The following STXBP4 variants were observed in gnomAD, a reference collection of about 807,000 sequenced individuals.
STXBP4 encodes syntaxin binding protein 4, also known as syntaxin-binding protein 4.
A neutral mutation model predicts 76.1 loss-of-function variants in STXBP4; 55 were observed. The ratio of observed to expected loss-of-function variants is 0.72; its 90% CI spans 0.58 to 0.91. STXBP4 has a LOEUF of 0.91. Among genes scored for constraint, STXBP4 ranks in the 40% least tolerant of loss-of-function variants. STXBP4 has a pLI of 0.00. For synonymous variants in STXBP4, 201 were observed against 220.2 expected, an observed-to-expected ratio of 0.91 and a Z score of 0.77; for missense variants, 618 against 636.9, an observed-to-expected ratio of 0.97 and a Z score of 0.32.
intron 8 of STXBP4, among the ~76,000 whole-genome samples, chr17:55,023,633 A>G (rs777492597): frequency 6.6e-6 from 1 of 152,162 alleles, no homozygotes; most frequent in Non-Finnish European, 1.5e-5. Context: ...ACCTGTATAT[A>G]GAAACAATGA....
chr17:55,034,335 C>T (rs2078561762), intron 10 of STXBP4, 76 bp downstream of exon 10: 5 of 863,170 alleles, frequency 5.8e-6, no homozygotes, highest in Non-Finnish European at 6.8e-6. Context: ...TATGTGTAGG[C>T]TTTTTTCACT....
At chr17:55,195,323 A>G in the STXBP4 span, among the ~76,000 whole-genome samples, 116 of 152,302 alleles carry the variant, frequency 7.6e-4, no homozygotes, top group East Asian at 1.3e-3. Context: ...CTCTACCTCC[A>G]TGAAGATGTC....
rs377095469 is a variant in STXBP4, at chr17:55,003,006, A to C, written c.574+2123A>C. ...AATTTTATGTCCTCCCCTTGACCCCAAAAACTAGTATATAATAAGGAATCT... is the reference window on the plus strand; with the variant it reads ...AATTTTATGTCCTCCCCTTGACCCCCAAAACTAGTATATAATAAGGAATCT... On this transcript the variant is annotated intron_variant, in intron 7 of 17. Transcript: ENST00000376352. Among the ~76,000 whole-genome samples the C allele has an allele frequency of 3.0e-4, 45 of 152,328 alleles. 1 individual carries two copies. Among genetic ancestry groups the C allele is most frequent in the Middle Eastern group, 6.8e-3 (2 of 294 alleles).
At chr17:54,993,397 C>A (rs2144428156) in intron 4 of STXBP4, among the ~76,000 whole-genome samples, 1 of 152,222 alleles carries the variant, frequency 6.6e-6, no homozygotes, top group African/African-American at 2.4e-5. Context: ...AGGAGGATCC[C>A]TTGGGCCCAG....
At position 55,171,789 on chromosome 17, in the gene STXBP4, G is replaced by T. The variant is rs1394379676; in HGVS notation, c.*11878G>T. 1 of 152,250 alleles carries T rather than the reference G, an allele frequency of 6.6e-6. No individual in the cohort carries two copies. Among genetic ancestry groups the T allele is most frequent in the Non-Finnish European group, 1.5e-5 (1 of 68,096 alleles). The allele number at this position is 152,250 out of a possible 1,614,324, so 9.4% of individuals were successfully genotyped here. A position where few individuals can be genotyped will look rare whatever the true frequency, so the allele number is the denominator to read the frequency against. On this transcript the variant is annotated 3_prime_UTR_variant, in exon 18 of 18. Transcript: ENST00000376352. Reference sequence around the variant, plus strand: ...GGAACCCTCCCTCCCCCGCCCCTGGGGCCTTCAGAGGGAGCGGTGCCCAGC... The same window carrying T: ...GGAACCCTCCCTCCCCCGCCCCTGGTGCCTTCAGAGGGAGCGGTGCCCAGC...
At chr17:55,146,008 C>G (rs1465920641) in intron 17 of STXBP4, among the ~76,000 whole-genome samples, 1 of 151,916 alleles carries the variant, frequency 6.6e-6, no homozygotes, top group African/African-American at 2.4e-5. Context: ...TATCTTTTTC[C>G]CTTTGAAGTT....
At position 55,078,149 on chromosome 17, in the gene STXBP4, A is replaced by G. The variant is rs1443501208; in HGVS notation, c.1260A>G (p.Arg420=). ...AATTACGAAAATCAGAAATGGCTCGAAAAACTTTTGAGGCATCCACTGAAA... is the reference window on the plus strand; with the variant it reads ...AATTACGAAAATCAGAAATGGCTCGGAAAACTTTTGAGGCATCCACTGAAA... ...DCQLRKSEMA[R]KTFEASTEKL... is the part of the protein sequence containing the mutation. Residue 420 remains arginine (R), a synonymous_variant, in exon 14 of 18, where the codon CGA becomes CGG. Transcript: ENST00000376352. 12 of 1,612,416 alleles carry G rather than the reference A, an allele frequency of 7.4e-6. No homozygotes were observed. The highest frequency in any genetic ancestry group is 1.0e-5 in the Non-Finnish European group (12 of 1,179,238).
chr17:55,060,189 A>G (rs987255961), intron 12 of STXBP4, among the ~76,000 whole-genome samples: 3 of 152,144 alleles, frequency 2.0e-5, no homozygotes, highest in African/African-American at 7.2e-5. Context: ...ATTTTAAAAT[A>G]TGTTGACCAT....
intron 10 of STXBP4, among the ~76,000 whole-genome samples, chr17:55,042,849 A>G (rs1261073294): frequency 6.6e-6 from 1 of 152,168 alleles, no homozygotes; most frequent in African/African-American, 2.4e-5. Context: ...TTTATAATGT[A>G]CAGCATTTTG....
At chr17:55,185,269 CCTT>C in the STXBP4 span, among the ~76,000 whole-genome samples, 7 of 48,064 alleles carry the variant, frequency 1.5e-4, no homozygotes, top group African/African-American at 5.6e-4. Flanking sequence ...TTCTCCTTCT[CCTT>C]CTCCTTCTCC....
At chr17:55,017,829 C>G (rs1427360481) in intron 8 of STXBP4, among the ~76,000 whole-genome samples, 1 of 152,176 alleles carries the variant, frequency 6.6e-6, no homozygotes, top group Non-Finnish European at 1.5e-5. Context: ...CTTTCCCAGA[C>G]AGCCTCACAC....
chr17:55,175,264 A>C (rs1441705344), downstream of STXBP4, among the ~76,000 whole-genome samples: 1 of 152,184 alleles, frequency 6.6e-6, no homozygotes, highest in African/African-American at 2.4e-5. Flanking sequence ...ATCTGCTTGG[A>C]ACAGTGTGAT....
At chr17:55,211,123 G>A in the STXBP4 span, among the ~76,000 whole-genome samples, 4 of 152,052 alleles carry the variant, frequency 2.6e-5, no homozygotes, top group Non-Finnish European at 5.9e-5. Context: ...TCACTGTATG[G>A]CTCCCACTAG....
intron 16 of STXBP4, among the ~76,000 whole-genome samples, chr17:55,124,897 A>T (rs1031911541): frequency 1.3e-5 from 2 of 152,164 alleles, no homozygotes; most frequent in African/African-American, 4.8e-5. Flanking sequence ...ACATGCACAC[A>T]GAGGAGGGGT....
chr17:55,116,679 G>A (rs1414309915), intron 16 of STXBP4, among the ~76,000 whole-genome samples: 1 of 151,666 alleles, frequency 6.6e-6, no homozygotes, highest in Non-Finnish European at 1.5e-5. Context: ...TGTCATATAA[G>A]TTAAACAAAT....
At chr17:55,089,287 G>A (rs1193528895) in intron 16 of STXBP4, among the ~76,000 whole-genome samples, 1 of 152,062 alleles carries the variant, frequency 6.6e-6, no homozygotes, top group Non-Finnish European at 1.5e-5. Flanking sequence ...TTACTTTCTC[G>A]CTGTGGTAGG....
intron 6 of STXBP4, among the ~76,000 whole-genome samples, chr17:55,000,581 A>T (rs1180607356): frequency 6.6e-6 from 1 of 152,174 alleles, no homozygotes; most frequent in Non-Finnish European, 1.5e-5. Context: ...AAAAGACAAG[A>T]TGAGTGGCCT....
At chr17:55,095,013 AAG>A (rs2079466165) in intron 16 of STXBP4, among the ~76,000 whole-genome samples, 2 of 152,224 alleles carry the variant, frequency 1.3e-5, no homozygotes, top group Non-Finnish European at 2.9e-5. Flanking sequence ...TTAAGATATG[AAG>A]GCACAGCTAG....
intron 16 of STXBP4, among the ~76,000 whole-genome samples, chr17:55,092,445 G>T (rs2787500): frequency 0.68 from 103,614 of 152,056 alleles, 35,414 homozygotes; most frequent in South Asian, 0.79. Context: ...TAATTTAGTA[G>T]GTCTCATTAC....
Sources: allele counts gnomAD v4.1 joint callset (sites outside exome capture counted in the v4.1 genomes callset), GRCh38; gene constraint gnomAD v4.1.1; transcripts MANE v1.5; gene names NCBI Gene and HGNC (gene_info 2026-07-23, HGNC 2026-07-21).